SLC35D1: variants seen among roughly 807,000 people sequenced by gnomAD.
SLC35D1 encodes solute carrier family 35 member D1, also known as nucleotide sugar transporter SLC35D1.
SLC35D1 carries 31 observed loss-of-function variants against 46.7 expected under a neutral mutation model. The observed-to-expected ratio is 0.66, with a 90% CI of 0.50 to 0.90. The LOEUF (loss-of-function observed/expected upper bound fraction) is 0.90. SLC35D1 is among the 40% of genes least tolerant of loss of function. The pLI is 0.00. For missense variants in SLC35D1, 397 were observed against 426.2 expected (o/e 0.93, Z 0.60); for synonymous variants, 195 against 164.6 (o/e 1.18, Z -1.41).
chr1:66,980,556 C>A, the SLC35D1 span, among the ~76,000 whole-genome samples: 1 of 152,200 alleles, frequency 6.6e-6, no homozygotes, highest in Non-Finnish European at 1.5e-5. Context: ...TTAACACAGA[C>A]TTTCAGAAAA....
downstream of SLC35D1, among the ~76,000 whole-genome samples, chr1:66,995,430 C>T (rs1467641972): frequency 7.2e-5 from 5 of 69,594 alleles, no homozygotes; most frequent in African/African-American, 1.4e-4. Flanking sequence ...TGCCCTGCTA[C>T]GCTAAAAAAA....
chr1:67,034,756 T>C (rs575039455), intron 8 of SLC35D1, among the ~76,000 whole-genome samples: 1 of 152,318 alleles, frequency 6.6e-6, no homozygotes, highest in African/African-American at 2.4e-5. Flanking sequence ...CTTGTTGTGT[T>C]CTGATCTTAG....
intron 10 of SLC35D1, among the ~76,000 whole-genome samples, chr1:67,013,108 GA>G (rs1296299772): frequency 1.9e-5 from 2 of 103,494 alleles, no homozygotes; most frequent in South Asian, 2.8e-4. Context: ...ATTAAAAACT[GA>G]TATTCAAATT....
At chr1:66,992,498 A>G in the SLC35D1 span, among the ~76,000 whole-genome samples, 2 of 152,354 alleles carry the variant, frequency 1.3e-5, no homozygotes, top group East Asian at 3.9e-4. Flanking sequence ...CTTGTCTTAC[A>G]GAAGGGAAAA....
chr1:66,986,716 A>T, the SLC35D1 span: 1 of 366,112 alleles, frequency 2.7e-6, no homozygotes, highest in Non-Finnish European at 4.9e-6. Context: ...AAGTAAATCA[A>T]AGTTTTGGGT....
the SLC35D1 span, chr1:66,986,020 CA>C: frequency 1.0e-6 from 1 of 992,660 alleles, no homozygotes; most frequent in Non-Finnish European, 1.2e-6. Flanking sequence ...TTATATGCAT[CA>C]TAAAATTTCC....
chr1:67,007,333 C>T (rs1667472223), intron 11 of SLC35D1, among the ~76,000 whole-genome samples: 1 of 152,156 alleles, frequency 6.6e-6, no homozygotes, highest in Admixed American at 6.5e-5. Flanking sequence ...GCTCTGGGAT[C>T]TCTTACATAA....
intron 8 of SLC35D1, among the ~76,000 whole-genome samples, chr1:67,041,493 T>C (rs761346187): frequency 6.6e-6 from 1 of 152,224 alleles, no homozygotes; most frequent in Non-Finnish European, 1.5e-5. Flanking sequence ...AACATACTTA[T>C]TCTGAAGAAG....
At position 67,004,031 on chromosome 1, in the gene SLC35D1, T is replaced by C; in HGVS notation, c.*309A>G. On this transcript the variant is annotated 3_prime_UTR_variant, in exon 12 of 12. Coordinates refer to ENST00000235345, the MANE Select transcript of SLC35D1 (RefSeq NM_015139.3). ...CTCTCAGGGACACCTGGATATCAAATTATGAAATAAAATACTTTCAAAACA... is the reference window on the plus strand; with the variant it reads ...CTCTCAGGGACACCTGGATATCAAACTATGAAATAAAATACTTTCAAAACA... 1 of 316,224 alleles carries C rather than the reference T, an allele frequency of 3.2e-6. No individual in the cohort carries two copies. Among genetic ancestry groups the C allele is most frequent in the Non-Finnish European group, 6.1e-6 (1 of 163,974 alleles). 19.6% of individuals were successfully genotyped at this position (316,224 alleles called of 1,614,324 possible).
At chr1:67,038,200 CAG>C (rs1278562003) in intron 8 of SLC35D1, among the ~76,000 whole-genome samples, 2 of 152,148 alleles carry the variant, frequency 1.3e-5, no homozygotes, top group Admixed American at 6.5e-5. Flanking sequence ...GAGAATAATT[CAG>C]AGTCTGAAAA....
Position 67,054,120 on chromosome 1 carries a change from T to G in SLC35D1, c.-107A>C. 5 of 1,138,160 alleles carry G rather than the reference T, an allele frequency of 4.4e-6. No individual in the cohort carries two copies. Among genetic ancestry groups the G allele is most frequent in the Non-Finnish European group, 6.1e-6 (5 of 817,114 alleles). The allele number at this position is 1,138,160 out of a possible 1,614,324, so 70.5% of individuals were successfully genotyped here. The stretch of plus-strand genomic sequence containing the variant: ...GTTGGGGACCGCAGACTAGGCCAGC[T>G]GCGCGCTCGCCGCCTCGACTCCCCG... On this transcript the variant is annotated 5_prime_UTR_variant, in exon 1 of 12. Transcript: ENST00000235345.
At position 67,052,800 on chromosome 1, in the gene SLC35D1, G is replaced by C. The variant is rs1396029996; in HGVS notation, c.295C>G (p.Pro99Ala). The C allele has an allele frequency of 6.2e-7, 1 of 1,614,094 alleles. No homozygotes were observed. Among genetic ancestry groups the C allele is most frequent in the South Asian group, 1.1e-5 (1 of 91,074 alleles). ...CGAGGTACATTTCTGTCAAGGTCAG[G>C]AAACTTGACTACTCTGAGCGCCTTT... ...VGKALRVVKFPDLDRNVPRKT... is the reference protein window; with the variant it reads ...VGKALRVVKFADLDRNVPRKT... Residue 99 changes from proline (P) to alanine (A), a missense_variant, in exon 3 of 12, where the codon CCT becomes GCT. Transcript: ENST00000235345.
intron 10 of SLC35D1, among the ~76,000 whole-genome samples, chr1:67,013,733 G>A (rs1450147781): frequency 6.6e-6 from 1 of 152,124 alleles, no homozygotes; most frequent in Non-Finnish European, 1.5e-5. Context: ...TGTGACTTGT[G>A]TGTGTGTGAG....
At chr1:67,009,032 C>T (rs1667508566) in intron 11 of SLC35D1, 53 bp downstream of exon 11, 1 of 839,740 alleles carries the variant, frequency 1.2e-6, no homozygotes, top group South Asian at 1.4e-5. Context: ...TATTGTGACA[C>T]TATTTGAATA....
downstream of SLC35D1, among the ~76,000 whole-genome samples, chr1:66,994,930 A>G (rs1667222528): frequency 6.6e-6 from 1 of 151,688 alleles, no homozygotes; most frequent in Non-Finnish European, 1.5e-5. Context: ...AGAAAAAAAA[A>G]AAAAAAGAAG....
chr1:67,024,305 G>C (rs1667873804), intron 8 of SLC35D1, among the ~76,000 whole-genome samples: 1 of 152,120 alleles, frequency 6.6e-6, no homozygotes, highest in Non-Finnish European at 1.5e-5. Flanking sequence ...TGTTGATGTA[G>C]TCTAACATCA....
chr1:67,053,751 G>GAGC lies in SLC35D1; in HGVS notation c.203+59_203+60insGCT, dbSNP rs1553268893. 3.8e-5 allele frequency: 53 copies of GAGC among 1,393,168 alleles called. No individual in the cohort carries two copies. The African/African-American group carries it at 6.5e-4, about 17-fold the overall frequency. 86.3% of individuals were successfully genotyped at this position (1,393,168 alleles called of 1,614,324 possible). A position where few individuals can be genotyped will look rare whatever the true frequency, so the allele number is the denominator to read the frequency against. On this transcript the variant is annotated intron_variant, in intron 1 of 11. Transcript: ENST00000235345. ...AGTCAAAGTCCAGGGAGCCGGCGCC[G>GAGC]CGCCGCCGCCGCCGCCCGCTCCTCC...
At chr1:67,032,624 T>G (rs532780332) in intron 8 of SLC35D1, among the ~76,000 whole-genome samples, 2 of 152,242 alleles carry the variant, frequency 1.3e-5, no homozygotes, top group South Asian at 4.1e-4. Flanking sequence ...GAGGTTGCAG[T>G]GAGCCGAGAT....
chr1:67,042,146 T>G (rs1200988704), intron 8 of SLC35D1, 90 bp downstream of exon 8: 3 of 1,255,674 alleles, frequency 2.4e-6, no homozygotes, highest in Non-Finnish European at 2.3e-6. Context: ...ATAAGCATAT[T>G]TCTTTTGAAC....
Sources: allele counts gnomAD v4.1 joint callset (sites outside exome capture counted in the v4.1 genomes callset), GRCh38; gene constraint gnomAD v4.1.1; transcripts MANE v1.5; gene names NCBI Gene and HGNC (gene_info 2026-07-23, HGNC 2026-07-21).